Variants in PCDHGB5 observed in about 807,000 individuals in gnomAD.
PCDHGB5 encodes the protein protocadherin gamma subfamily B, 5.
PCDHGB5 carries 48 observed loss-of-function variants against 62.9 expected under a neutral mutation model. That is an observed-to-expected ratio of 0.76 (90% CI 0.61 to 0.97). PCDHGB5 has a LOEUF of 0.97. Ranked by LOEUF, PCDHGB5 falls within the 50% of genes least tolerant of loss-of-function variation. PCDHGB5 has a pLI of 0.00. For synonymous variants in PCDHGB5, 474 were observed against 511.2 expected (o/e 0.93, Z 0.98); for missense variants, 1,118 against 1,198.6 (o/e 0.93, Z 0.99).
intron 1 of PCDHGB5, chr5:141,440,531 C>G (rs931337116): frequency 6.6e-6 from 1 of 152,272 alleles, no homozygotes; most frequent in Middle Eastern, 3.4e-3. Flanking sequence ...GAATCATGCA[C>G]CACGGTTCAG....
intron 1 of PCDHGB5, chr5:141,413,440 A>G (rs4912751): frequency 0.46 from 738,760 of 1,613,878 alleles, 177,316 homozygotes; most frequent in African/African-American, 0.83. Flanking sequence ...CGGCAGCTTG[A>G]TCACCGCGGG....
intron 1 of PCDHGB5, chr5:141,423,194 C>T (rs1467994226): frequency 3.7e-6 from 6 of 1,613,588 alleles, no homozygotes; most frequent in South Asian, 1.1e-5. Context: ...CCCCCTCTCT[C>T]GGCCACCGTC....
rs751976949 is a variant in PCDHGB5, at chr5:141,414,873, C to A, written c.2397+14349C>A. The A allele has an allele frequency of 6.2e-6, 10 of 1,614,108 alleles. No homozygotes were observed. The Admixed American group carries it at 1.2e-4, about 19-fold the overall frequency. ...ACCAGAACGACAATGCGCCCGAGAT[C>A]CTGTACCCCGCCCTCCCCACAGACG... On this transcript the variant is annotated intron_variant, in intron 1 of 3. Transcript: ENST00000617380.
intron 1 of PCDHGB5, chr5:141,410,694 T>C: frequency 6.7e-7 from 1 of 1,493,788 alleles, no homozygotes; most frequent in Non-Finnish European, 8.9e-7. Context: ...TACTACTTTA[T>C]TTTCATATCT....
intron 1 of PCDHGB5, among the ~76,000 whole-genome samples, chr5:141,402,229 AG>A (rs1400203598): frequency 6.6e-6 from 1 of 152,110 alleles, no homozygotes; most frequent in Non-Finnish European, 1.5e-5. Context: ...ACGTTTTTCC[AG>A]GAATTTTATC....
At chr5:141,404,481 A>T in intron 1 of PCDHGB5, 1 of 1,613,836 alleles carries the variant, frequency 6.2e-7, no homozygotes, top group Non-Finnish European at 8.5e-7. Context: ...ATTAACTCAG[A>T]CACTGGTGTG....
intron 1 of PCDHGB5, chr5:141,410,112 C>T (rs775292594): frequency 1.9e-6 from 3 of 1,612,566 alleles, no homozygotes; most frequent in East Asian, 4.5e-5. Context: ...GACAGGGACG[C>T]AGCCCGCCAG....
rs1298448753 is a variant in PCDHGB5 at position 141,486,417 on chromosome 5, G to A, written c.2398-8390G>A. 1 of 1,614,132 alleles carries A rather than the reference G, an allele frequency of 6.2e-7. No individual in the cohort carries two copies. Among genetic ancestry groups the A allele is most frequent in the Non-Finnish European group, 8.5e-7 (1 of 1,179,998 alleles). ...CTGGTGACTGCTGGACCCTTGGATC[G>A]AGAGGCCAAATCTAGCTATGACATC... On this transcript the variant is annotated intron_variant, in intron 1 of 3. Transcript: ENST00000617380. The surrounding 1 kb of genome is among the most constrained non-coding windows in gnomAD (Gnocchi z 5.0).
At chr5:141,444,804 A>G (rs140326088) in intron 1 of PCDHGB5, among the ~76,000 whole-genome samples, 1 of 152,250 alleles carries the variant, frequency 6.6e-6, no homozygotes, top group Non-Finnish European at 1.5e-5. Flanking sequence ...TCTTTTACTA[A>G]TAGCACACTG....
At position 141,491,390 on chromosome 5, in the gene PCDHGB5, T is replaced by C; in HGVS notation, c.2398-3417T>C. 6.2e-7 allele frequency: 1 copy of C among 1,614,130 alleles called. No homozygotes were observed. Among genetic ancestry groups the C allele is most frequent in the Non-Finnish European group, 8.5e-7 (1 of 1,179,988 alleles). ...TTCACCTTTCTGTCAGCGAAGTGCC[T>C]TCAGGGAAACGCAGACGGGGACGGG... On this transcript the variant is annotated intron_variant, in intron 1 of 3. Coordinates refer to ENST00000617380, the MANE Select transcript of PCDHGB5 (RefSeq NM_018925.3). This position sits in a 1 kb window ranked among gnomAD's most constrained non-coding sequence, Gnocchi z 6.9.
Position 141,489,653 on chromosome 5 carries a change from G to A in PCDHGB5, c.2398-5154G>A, listed in dbSNP as rs752269910. 2.0e-5 allele frequency: 33 copies of A among 1,614,164 alleles called. No individual in the cohort carries two copies. In the East Asian group the frequency reaches 4.9e-4, roughly 24 times the overall value. ...TCTCCTAGCTTTGCCACCCCTGAGC[G>A]AGAGATGCGCATCTCAGAATCAGCA... On this transcript the variant is annotated intron_variant, in intron 1 of 3. Transcript: ENST00000617380. This position sits in a 1 kb window ranked among gnomAD's most constrained non-coding sequence, Gnocchi z 4.5.
intron 1 of PCDHGB5, among the ~76,000 whole-genome samples, chr5:141,470,417 T>A (rs1482173610): frequency 6.6e-6 from 1 of 152,226 alleles, no homozygotes; most frequent in East Asian, 1.9e-4. Context: ...ATTTTATGTA[T>A]TTTTTCCTTG....
chr5:141,398,892 G>A lies in PCDHGB5; in HGVS notation c.765G>A (p.Val255=). 5 of 1,613,916 alleles carry A rather than the reference G, an allele frequency of 3.1e-6. No homozygotes were observed. The highest frequency in any genetic ancestry group is 4.2e-6 in the Non-Finnish European group (5 of 1,179,888). ...DVYRVSLREN[V]PPGTTVLQVS... is the part of the protein sequence containing the mutation. The stretch of plus-strand genomic sequence containing the variant: ...ACAGAGTCAGCCTTCGGGAAAACGT[G>A]CCACCAGGCACCACTGTGTTGCAAG... The change falls in exon 1 of 4, where the codon GTG becomes GTA. Residue 255 remains valine (V), a synonymous_variant. Coordinates refer to ENST00000617380, the MANE Select transcript of PCDHGB5 (RefSeq NM_018925.3).
chr5:141,431,288 C>T lies in PCDHGB5; in HGVS notation c.2397+30764C>T, dbSNP rs2097358193. ...GAGCTACGAGCTCAGCCCGAACACT[C>T]ACTTCTCCCTCATCGTGCAAAATGG... On this transcript the variant is annotated intron_variant, in intron 1 of 3. Transcript: ENST00000617380. This position sits in a 1 kb window ranked among gnomAD's most constrained non-coding sequence, Gnocchi z 4.8. 1 of 1,614,152 alleles carries T rather than the reference C, an allele frequency of 6.2e-7. No individual in the cohort carries two copies. Among genetic ancestry groups the T allele is most frequent in the East Asian group, 2.2e-5 (1 of 44,890 alleles).
chr5:141,460,624 T>TA (rs1464862917), intron 1 of PCDHGB5, among the ~76,000 whole-genome samples: 2 of 152,128 alleles, frequency 1.3e-5, no homozygotes, highest in African/African-American at 4.8e-5. Context: ...GATAGACAGA[T>TA]ACAGATATAT....
At position 141,491,539 on chromosome 5, in the gene PCDHGB5, A is replaced by G; in HGVS notation, c.2398-3268A>G. ...GTACATGGAGGTGACGCTGCGGCCC[A>G]CAGACTCGCAGAGCCACTGCTACAG... On this transcript the variant is annotated intron_variant, in intron 1 of 3. Coordinates refer to ENST00000617380, the MANE Select transcript of PCDHGB5 (RefSeq NM_018925.3). This position sits in a 1 kb window ranked among gnomAD's most constrained non-coding sequence, Gnocchi z 6.9. The G allele has an allele frequency of 6.2e-7, 1 of 1,613,968 alleles. No homozygotes were observed. The highest frequency in any genetic ancestry group is 1.1e-5 in the South Asian group (1 of 91,074).
intron 1 of PCDHGB5, among the ~76,000 whole-genome samples, chr5:141,464,221 C>T (rs570804761): frequency 2.9e-4 from 44 of 149,624 alleles, no homozygotes; most frequent in African/African-American, 9.6e-4. Flanking sequence ...GCTGAGATTG[C>T]GCCACTGCAC....
intron 1 of PCDHGB5, chr5:141,423,755 G>GGT (rs1554116817): frequency 5.9e-6 from 3 of 512,508 alleles, no homozygotes; most frequent in Non-Finnish European, 7.8e-6. Context: ...CTGTTTGGGG[G>GGT]GGGGGTGGGG....
chr5:141,397,992 C>T lies in PCDHGB5; in HGVS notation c.-136C>T, dbSNP rs1449951628. 3 of 1,349,734 alleles carry T rather than the reference C, an allele frequency of 2.2e-6. No homozygotes were observed. Among genetic ancestry groups the T allele is most frequent in the Non-Finnish European group, 3.0e-6 (3 of 1,005,326 alleles). 83.6% of individuals were successfully genotyped at this position (1,349,734 alleles called of 1,614,324 possible). The stretch of plus-strand genomic sequence containing the variant: ...CCAGCGCCGGCCTTTACACCGCTTC[C>T]TCCTCGGAAAAAGAATCGTTTCCTA... On this transcript the variant is annotated 5_prime_UTR_variant, in exon 1 of 4. Transcript: ENST00000617380.
Sources: gnomAD v4.1 joint callset for allele counts (sites outside exome capture counted in the v4.1 genomes callset) on GRCh38, gnomAD v4.1.1 for gene constraint, Gnocchi (gnomAD v3.1) non-coding constraint, MANE v1.5 for transcripts, NCBI Gene and HGNC (gene_info 2026-07-23, HGNC 2026-07-21) for gene names.